Variants in NCALD observed in about 807,000 individuals in gnomAD.
The protein encoded by NCALD is neurocalcin delta.
A neutral mutation model predicts 18.6 loss-of-function variants in NCALD; 10 were observed. The observed-to-expected ratio is 0.54, with a 90% CI of 0.33 to 0.91. NCALD has a LOEUF of 0.91. Ranked by LOEUF, NCALD falls within the 40% of genes least tolerant of loss-of-function variation. The probability of loss-of-function intolerance (pLI) is 0.03; values close to 1 mark genes in which losing one functional copy is unlikely to be tolerated. For missense variants in NCALD, 184 were observed against 247.6 expected (o/e 0.74, Z 1.72); for synonymous variants, 88 against 87.4 (o/e 1.01, Z -0.04).
intron 2 of NCALD, among the ~76,000 whole-genome samples, chr8:101,710,970 G>C (rs1170289188): frequency 6.6e-6 from 1 of 152,202 alleles, no homozygotes; most frequent in African/African-American, 2.4e-5. Flanking sequence ...TCCTGACTAG[G>C]AGATGCCTCC....
At chr8:101,770,487 A>G (rs1286841282) in intron 1 of NCALD, among the ~76,000 whole-genome samples, 1 of 152,198 alleles carries the variant, frequency 6.6e-6, no homozygotes, top group Non-Finnish European at 1.5e-5. Flanking sequence ...TAAACTGAAT[A>G]AATGATTTCA....
chr8:101,970,116 T>A (rs1465539918), intron 2 of NCALD, among the ~76,000 whole-genome samples: 1 of 152,218 alleles, frequency 6.6e-6, no homozygotes, highest in Admixed American at 6.5e-5. Context: ...TTCCAATCAC[T>A]GATTTATCTC....
chr8:101,742,868 C>G (rs1042781435), intron 1 of NCALD, among the ~76,000 whole-genome samples: 1 of 152,124 alleles, frequency 6.6e-6, no homozygotes, highest in Non-Finnish European at 1.5e-5. Context: ...TCCCCCTCCC[C>G]TGTGTCCCTG....
intron 1 of NCALD, among the ~76,000 whole-genome samples, chr8:102,081,935 G>T (rs910611323): frequency 1.3e-5 from 2 of 152,118 alleles, no homozygotes; most frequent in South Asian, 2.1e-4. Context: ...CATTAGAGTG[G>T]CCCCAACCTA....
At chr8:102,030,127 G>A (rs1037040386) in intron 1 of NCALD, among the ~76,000 whole-genome samples, 15 of 152,158 alleles carry the variant, frequency 9.9e-5, no homozygotes, top group African/African-American at 2.7e-4. Flanking sequence ...GGAAGCCAGC[G>A]TTCTGGTCTC....
chr8:101,710,359 A>G (rs1815727332), intron 2 of NCALD, among the ~76,000 whole-genome samples: 1 of 151,766 alleles, frequency 6.6e-6, no homozygotes, highest in Non-Finnish European at 1.5e-5. Flanking sequence ...ACAACACGCT[A>G]GCTGCAGATG....
chr8:101,775,179 G>A (rs887132038), intron 1 of NCALD, among the ~76,000 whole-genome samples: 11 of 152,140 alleles, frequency 7.2e-5, no homozygotes, highest in African/African-American at 1.9e-4. Context: ...CATTGGGCTC[G>A]GAGTACAGAT....
rs564793934 is a variant in NCALD at position 102,036,487 on chromosome 8, A to G, written c.-209-16198T>C. ...TCAAAGAAATGCCAATCAAAACAAC[A>G]TAAGAGGCCGGGTATGGTGGCTCAC... is the stretch of plus-strand genomic sequence containing the variant. On this transcript the variant is annotated intron_variant, in intron 1 of 6. Coordinates refer to the NCALD transcript ENST00000311028. 2.4e-4 allele frequency among the ~76,000 whole-genome samples: 37 copies of G among 151,940 alleles called. No homozygotes were observed. In the South Asian group the frequency reaches 7.1e-3, roughly 29 times the overall value.
chr8:101,802,829 C>A (rs1442809922), intron 4 of NCALD, among the ~76,000 whole-genome samples: 1 of 150,332 alleles, frequency 6.7e-6, no homozygotes, highest in Admixed American at 6.6e-5. Flanking sequence ...TGAGGGCAAC[C>A]CGCTCGGGTC....
rs1358788673 is a variant in NCALD, at chr8:102,097,033, A to G, written c.-210+27204T>C. Among the ~76,000 whole-genome samples the G allele has an allele frequency of 3.9e-5, 6 of 152,224 alleles. No homozygotes were observed. In the East Asian group the frequency reaches 1.2e-3, roughly 29 times the overall value. ...CAACACAAGAATTTTAAGGGGAAAGATACTAAACATAGTGGATGACTTCTG... is the reference window on the plus strand; with the variant it reads ...CAACACAAGAATTTTAAGGGGAAAGGTACTAAACATAGTGGATGACTTCTG... On this transcript the variant is annotated intron_variant, in intron 1 of 6. Transcript: ENST00000311028.
chr8:101,891,818 G>A lies in NCALD; in HGVS notation c.-106-4591C>T, dbSNP rs935092806. 3.3e-5 allele frequency among the ~76,000 whole-genome samples: 5 copies of A among 152,278 alleles called. No homozygotes were observed. In the East Asian group the frequency reaches 5.8e-4, roughly 18 times the overall value. On this transcript the variant is annotated intron_variant, in intron 3 of 6. Coordinates refer to the NCALD transcript ENST00000311028. ...CACTTTTCAGACCAGCTTAAAAAAC[G>A]GAGCACCACGAGATTATATCCCACA...
rs186975756 is a variant in NCALD, at chr8:101,959,543, T to A, written c.-156-43685A>T. 4.4e-3 allele frequency among the ~76,000 whole-genome samples: 663 copies of A among 152,322 alleles called. 5 individuals carry two copies. The highest frequency in any genetic ancestry group is 0.015 in the African/African-American group (611 of 41,582). The stretch of plus-strand genomic sequence containing the variant: ...TTAATTTATTTATATTACTGTGAAC[T>A]CAGATTCCTGTCTCATTCACTGAGT... On this transcript the variant is annotated intron_variant, in intron 2 of 6. Coordinates refer to the NCALD transcript ENST00000311028.
At chr8:101,700,112 G>A (rs1025844568) in intron 2 of NCALD, among the ~76,000 whole-genome samples, 3 of 151,160 alleles carry the variant, frequency 2.0e-5, no homozygotes, top group Non-Finnish European at 2.9e-5. Context: ...CCAAGCTGGA[G>A]TGCAGTGATG....
chr8:102,091,269 T>G (rs1824915687), intron 1 of NCALD, among the ~76,000 whole-genome samples: 3 of 152,210 alleles, frequency 2.0e-5, no homozygotes, highest in African/African-American at 7.2e-5. Flanking sequence ...CAAATCAGTC[T>G]TACCAGGATT....
chr8:101,808,423 C>T (rs1813187684), intron 4 of NCALD, among the ~76,000 whole-genome samples: 1 of 152,200 alleles, frequency 6.6e-6, no homozygotes, highest in South Asian at 2.1e-4. Context: ...TCAGAGATCT[C>T]AAGGAGCGGC....
At chr8:102,121,883 C>T (rs551452077) in intron 1 of NCALD, among the ~76,000 whole-genome samples, 1 of 152,268 alleles carries the variant, frequency 6.6e-6, no homozygotes, top group Non-Finnish European at 1.5e-5. Context: ...TGGTTTGGTC[C>T]TCCTCTCTGT....
chr8:101,817,605 T>C (rs912729186), intron 4 of NCALD, among the ~76,000 whole-genome samples: 4 of 150,566 alleles, frequency 2.7e-5, no homozygotes, highest in Admixed American at 6.6e-5. Flanking sequence ...ACTGAATTGA[T>C]AGATACATTT....
intron 1 of NCALD, among the ~76,000 whole-genome samples, chr8:102,089,257 G>A (rs1414527069): frequency 6.6e-6 from 1 of 152,148 alleles, no homozygotes; most frequent in Non-Finnish European, 1.5e-5. Context: ...AGCCAGGCAT[G>A]GCGGCAGGCA....
chr8:101,688,975 A>G lies in NCALD; in HGVS notation c.*334T>C. ...GCTTGCAATAGAATCACAGGACTGG[A>G]TGGGTTTCCCTTCTTTTGCCCCAAC... On this transcript the variant is annotated 3_prime_UTR_variant, in exon 4 of 4. Transcript: ENST00000220931. The G allele has an allele frequency of 1.5e-6, 1 of 673,806 alleles. No homozygotes were observed. Among genetic ancestry groups the G allele is most frequent in the Non-Finnish European group, 2.7e-6 (1 of 374,372 alleles). The allele number at this position is 673,806 out of a possible 1,614,324, so 41.7% of individuals were successfully genotyped here. A position where few individuals can be genotyped will look rare whatever the true frequency, so the allele number is the denominator to read the frequency against.
Sources: allele counts gnomAD v4.1 joint callset (sites outside exome capture counted in the v4.1 genomes callset), GRCh38; gene constraint gnomAD v4.1.1; transcripts MANE v1.5; gene names NCBI Gene and HGNC (gene_info 2026-07-23, HGNC 2026-07-21).